Variants in CDKN2B-AS1 observed in about 807,000 individuals in gnomAD.
CDKN2B-AS1 encodes the protein CDKN2B antisense RNA 1 (non-protein coding).
chr9:22,077,798 T>C (rs1824553813), intron 4 of CDKN2B-AS1: 1 of 152,226 alleles, frequency 6.6e-6, no homozygotes, highest in Non-Finnish European at 1.5e-5. Context: ...TATATTTGTC[T>C]CTACTGTAAT....
intron 1 of CDKN2B-AS1, among the ~76,000 whole-genome samples, chr9:22,002,034 A>G (rs796073084): frequency 2.0e-5 from 3 of 152,210 alleles, no homozygotes; most frequent in African/African-American, 7.2e-5. Context: ...TTATTTTCAT[A>G]TATGTGTGAT....
chr9:22,085,202 T>G (rs1824827242), intron 4 of CDKN2B-AS1, among the ~76,000 whole-genome samples: 1 of 152,154 alleles, frequency 6.6e-6, no homozygotes, highest in African/African-American at 2.4e-5. Flanking sequence ...AGAAAAAAGT[T>G]TATCAGTTAA....
At chr9:22,062,154 C>A (rs1823847352) in intron 4 of CDKN2B-AS1, 1 of 152,154 alleles carries the variant, frequency 6.6e-6, no homozygotes, top group Admixed American at 6.5e-5. Flanking sequence ...CATGATATTT[C>A]TATATCTCTG....
chr9:22,035,220 C>T (rs1229871663), intron 1 of CDKN2B-AS1, among the ~76,000 whole-genome samples: 1 of 151,868 alleles, frequency 6.6e-6, no homozygotes, highest in Non-Finnish European at 1.5e-5. Context: ...GCAGCTGGAA[C>T]TGTTTTGCTG....
rs544807267 is a variant in CDKN2B-AS1, at chr9:22,116,550, C to G, written n.439-10553C>G. Among the ~76,000 whole-genome samples, 3 of 152,268 alleles carry G rather than the reference C, an allele frequency of 2.0e-5. No homozygotes were observed. In the South Asian group the frequency reaches 6.2e-4, roughly 32 times the overall value. ...TTGATGTGGAAGACAGGGATAGCCT[C>G]TCTGAGGAGGTGACATTTGACCCAA... On this transcript the variant is annotated intron_variant and non_coding_transcript_variant, in intron 4 of 4. Coordinates refer to ENST00000650946, the Ensembl canonical transcript of CDKN2B-AS1.
chr9:22,104,640 TTTCA>T (rs1009839709), intron 4 of CDKN2B-AS1, among the ~76,000 whole-genome samples: 6 of 152,240 alleles, frequency 3.9e-5, no homozygotes, highest in African/African-American at 1.2e-4. Flanking sequence ...TTACCTACTC[TTTCA>T]TTCATTCATT....
At chr9:22,030,029 C>G (rs895020017) in intron 1 of CDKN2B-AS1, 1 of 152,164 alleles carries the variant, frequency 6.6e-6, no homozygotes, top group Non-Finnish European at 1.5e-5. Flanking sequence ...GACATAAAGC[C>G]AAAAGTTCTT....
chr9:22,039,625 G>A lies in CDKN2B-AS1; in HGVS notation n.30-7126G>A, dbSNP rs572059598. On this transcript the variant is annotated intron_variant and non_coding_transcript_variant, in intron 1 of 4. Transcript: ENST00000650946. This position sits in a 1 kb window ranked among gnomAD's most constrained non-coding sequence, Gnocchi z 4.4. ...GAATGGCAGCTTATAGTAGTTATTT[G>A]GATAATTTATATAGTCTCTTAAAAA... 2.0e-5 allele frequency among the ~76,000 whole-genome samples: 3 copies of A among 151,842 alleles called. No homozygotes were observed. Among genetic ancestry groups the A allele is most frequent in the African/African-American group, 7.3e-5 (3 of 41,346 alleles).
At chr9:22,009,640 C>T (rs1211151849) in intron 1 of CDKN2B-AS1, among the ~76,000 whole-genome samples, 1 of 152,236 alleles carries the variant, frequency 6.6e-6, no homozygotes, top group Middle Eastern at 3.2e-3. Flanking sequence ...GTTGGTTTCA[C>T]TGTGGAGACG....
At chr9:22,020,022 C>T (rs1018890962) in intron 1 of CDKN2B-AS1, among the ~76,000 whole-genome samples, 1 of 152,090 alleles carries the variant, frequency 6.6e-6, no homozygotes, top group East Asian at 1.9e-4. Context: ...CTCCCTCCAC[C>T]CATCTTCCAC....
intron 1 of CDKN2B-AS1, among the ~76,000 whole-genome samples, chr9:22,022,673 G>T (rs1822063681): frequency 6.6e-6 from 1 of 152,016 alleles, no homozygotes; most frequent in African/African-American, 2.4e-5. Flanking sequence ...TCATCATAAT[G>T]CTAGCTGGTT....
chr9:21,998,021 C>T (rs985551068), intron 1 of CDKN2B-AS1, among the ~76,000 whole-genome samples: 2 of 152,086 alleles, frequency 1.3e-5, no homozygotes, highest in Non-Finnish European at 2.9e-5. Flanking sequence ...CAGAGGAATG[C>T]CATCTGAATA....
In CDKN2B-AS1 at chr9:21,996,836, C is replaced by A. The variant is rs73652817; in HGVS notation, n.29+1675C>A. ...AGATACTGGAGGAATGGAGTGGGAG[C>A]GGTGAGGGTTTCTTGGGCCTAGACA... On this transcript the variant is annotated intron_variant and non_coding_transcript_variant, in intron 1 of 4. Transcript: ENST00000650946. This position sits in a 1 kb window ranked among gnomAD's most constrained non-coding sequence, Gnocchi z 5.4. 0.042 allele frequency among the ~76,000 whole-genome samples: 6,454 copies of A among 152,158 alleles called. 373 individuals carry two copies. The highest frequency in any genetic ancestry group is 0.13 in the African/African-American group (5,484 of 41,452).
chr9:22,071,285 C>CT lies in CDKN2B-AS1; in HGVS notation n.438+14929dup, dbSNP rs71336509. Among the ~76,000 whole-genome samples the CT allele has an allele frequency of 3.2e-3, 213 of 67,566 alleles. 20 individuals are homozygous for CT. The highest frequency in any genetic ancestry group is 4.4e-3 in the Non-Finnish European group (176 of 39,602). The allele number at this position is 67,566 out of a possible 152,430, so 44.3% of individuals were successfully genotyped here. A position where few individuals can be genotyped will look rare whatever the true frequency, so the allele number is the denominator to read the frequency against. On this transcript the variant is annotated intron_variant and non_coding_transcript_variant, in intron 4 of 4. Transcript: ENST00000650946. The stretch of plus-strand genomic sequence containing the variant: ...AGAGGCCAGGCTTAGAAATATCTAG[C>CT]TTTTTTTTTTTTTTTTTTTTTTTTT...
intron 4 of CDKN2B-AS1, among the ~76,000 whole-genome samples, chr9:22,127,061 G>A (rs1818032117): frequency 6.6e-6 from 1 of 152,112 alleles, no homozygotes; most frequent in Non-Finnish European, 1.5e-5. Context: ...CAGCCAGTTG[G>A]AGCTAAATGT....
At chr9:22,038,409 A>T (rs1209313883) in intron 1 of CDKN2B-AS1, among the ~76,000 whole-genome samples, 2 of 152,000 alleles carry the variant, frequency 1.3e-5, no homozygotes, top group African/African-American at 4.8e-5. Context: ...GCCAGCGCAG[A>T]TTTGATAAAT....
chr9:22,108,125 A>G (rs931395380), intron 4 of CDKN2B-AS1, among the ~76,000 whole-genome samples: 3 of 152,200 alleles, frequency 2.0e-5, no homozygotes, highest in African/African-American at 7.2e-5. Flanking sequence ...TGGGCCTTCT[A>G]TCTCTCCTAC....
chr9:22,078,948 T>G (rs1824594733), intron 4 of CDKN2B-AS1, among the ~76,000 whole-genome samples: 3 of 152,202 alleles, frequency 2.0e-5, no homozygotes, highest in Admixed American at 2.0e-4. Flanking sequence ...TCACTTTTAC[T>G]GAGTTTGTTT....
chr9:22,098,490 A>G (rs1359852337), intron 4 of CDKN2B-AS1, among the ~76,000 whole-genome samples: 4 of 152,114 alleles, frequency 2.6e-5, no homozygotes, highest in African/African-American at 9.7e-5. Flanking sequence ...AATAAAATAA[A>G]ATAAAAAATG....
Sources: allele counts gnomAD v4.1 joint callset (sites outside exome capture counted in the v4.1 genomes callset), GRCh38; gene constraint gnomAD v4.1.1; non-coding constraint Gnocchi (gnomAD v3.1); transcripts MANE v1.5; gene names NCBI Gene and HGNC (gene_info 2026-07-23, HGNC 2026-07-21).